USP3: variants seen among roughly 807,000 people sequenced by gnomAD.
USP3 encodes ubiquitin specific peptidase 3.
In USP3, 20 loss-of-function variants were observed where a neutral mutation model predicts 72.3. The ratio of observed to expected loss-of-function variants is 0.28; its 90% CI spans 0.19 to 0.40. The LOEUF is 0.40. USP3 is among the 10% of genes least tolerant of loss of function. The pLI is 1.00. For missense variants in USP3, 479 were observed against 633.9 expected, an observed-to-expected ratio of 0.76 and a Z score of 2.62; for synonymous variants, 222 against 225.3, an observed-to-expected ratio of 0.99 and a Z score of 0.13.
chr15:63,516,198 TGTCA>T (rs1163177619), intron 1 of USP3, among the ~76,000 whole-genome samples: 1 of 152,232 alleles, frequency 6.6e-6, no homozygotes, highest in African/African-American at 2.4e-5. Context: ...CCTTTAAACC[TGTCA>T]AAGGTCTGTG....
Position 63,504,742 on chromosome 15 carries a change from GGA to G in USP3, c.5_6del (p.Glu2ValfsTer60). 1 of 1,607,842 alleles carries G rather than the reference GGA, an allele frequency of 6.2e-7. No individual in the cohort carries two copies. Among genetic ancestry groups the G allele is most frequent in the African/African-American group, 1.3e-5 (1 of 74,434 alleles). On this transcript the variant is annotated frameshift_variant, in exon 1 of 15. Coordinates refer to ENST00000380324, the MANE Select transcript of USP3 (RefSeq NM_006537.4). LOFTEE classifies it high-confidence loss of function. Reference protein sequence around the residue: MECPHLSSSVCI... With the variant: MXCPHLSSSVCI... Reference sequence around the variant, plus strand: ...TCCCAGCTGCCCTCCTCGTGGCCATGGAGTGTCCACACCTGAGCTCCAGCGTC... The same window carrying G: ...TCCCAGCTGCCCTCCTCGTGGCCATGGTGTCCACACCTGAGCTCCAGCGTC...
chr15:63,579,388 AC>A (rs562238439), intron 11 of USP3, among the ~76,000 whole-genome samples: 51 of 152,362 alleles, frequency 3.3e-4, no homozygotes, highest in Admixed American at 8.5e-4. Flanking sequence ...TCCTAGAACT[AC>A]TAATATAGAG....
intron 7 of USP3, 136 bp from the exon 8 acceptor site, chr15:63,562,759 C>T: frequency 1.8e-6 from 1 of 551,584 alleles, no homozygotes; most frequent in Non-Finnish European, 3.2e-6. Flanking sequence ...ATGTATCTTT[C>T]AGACTTTCTT....
At chr15:63,525,979 T>A (rs2065976080) in intron 1 of USP3, among the ~76,000 whole-genome samples, 1 of 152,200 alleles carries the variant, frequency 6.6e-6, no homozygotes, top group Non-Finnish European at 1.5e-5. Flanking sequence ...GGATTTTGAT[T>A]TAACTTTCCA....
intron 11 of USP3, among the ~76,000 whole-genome samples, chr15:63,585,959 T>G (rs1280084812): frequency 6.6e-6 from 1 of 152,204 alleles, no homozygotes; most frequent in African/African-American, 2.4e-5. Context: ...ACTGAATCTA[T>G]AGATGAAGTT....
At chr15:63,530,265 CCCTG>C (rs2066048506) in intron 1 of USP3, among the ~76,000 whole-genome samples, 2 of 80,896 alleles carry the variant, frequency 2.5e-5, no homozygotes, top group East Asian at 2.1e-4. Flanking sequence ...TTCCCTCCCT[CCCTG>C]CCTCCCTCCC....
chr15:63,556,893 C>A, intron 5 of USP3, 145 bp downstream of exon 5: 1 of 630,342 alleles, frequency 1.6e-6, no homozygotes, highest in Non-Finnish European at 2.7e-6. Context: ...ATGTTTGCCA[C>A]CTGTACTGTC....
At chr15:63,507,773 C>G (rs2065732560) in intron 1 of USP3, among the ~76,000 whole-genome samples, 1 of 152,124 alleles carries the variant, frequency 6.6e-6, no homozygotes, top group South Asian at 2.1e-4. Flanking sequence ...CCTTTACACT[C>G]TTAAAAATTG....
intron 7 of USP3, among the ~76,000 whole-genome samples, chr15:63,560,671 A>C (rs2066594403): frequency 6.6e-6 from 1 of 151,998 alleles, no homozygotes; most frequent in African/African-American, 2.4e-5. Context: ...GAATAAAGTC[A>C]ATTTTTGGTT....
intron 3 of USP3, among the ~76,000 whole-genome samples, chr15:63,552,951 A>G (rs1595741463): frequency 1.3e-5 from 2 of 152,224 alleles, no homozygotes; most frequent in Non-Finnish European, 2.9e-5. Flanking sequence ...GTTTTTGTTA[A>G]AATTGGCCTT....
In USP3 at chr15:63,570,409, T is replaced by G; in HGVS notation, c.762-24T>G. 6.2e-7 allele frequency: 1 copy of G among 1,613,632 alleles called. No individual in the cohort carries two copies. Among genetic ancestry groups the G allele is most frequent in the South Asian group, 1.1e-5 (1 of 91,038 alleles). ...ACAAAGAGCCCTCCACCCGGCCTTATAAGTGACTGTTTGTTTGCTTTAGGG... is the reference window on the plus strand; with the variant it reads ...ACAAAGAGCCCTCCACCCGGCCTTAGAAGTGACTGTTTGTTTGCTTTAGGG... On this transcript the variant is annotated intron_variant, in intron 8 of 14. Transcript: ENST00000380324. This position sits in a 1 kb window ranked among gnomAD's most constrained non-coding sequence, Gnocchi z 4.4.
intron 1 of USP3, chr15:63,530,582 G>T: frequency 2.4e-6 from 1 of 425,096 alleles, no homozygotes. Context: ...CAAAGTGTTG[G>T]GACTACAGGC....
At chr15:63,515,466 C>T (rs1311562911) in intron 1 of USP3, 1 of 152,230 alleles carries the variant, frequency 6.6e-6, no homozygotes, top group East Asian at 1.9e-4. Flanking sequence ...TGTGGGAAGT[C>T]AGCAGGACCA....
chr15:63,508,980 A>G (rs983317155), intron 1 of USP3, among the ~76,000 whole-genome samples: 4 of 152,168 alleles, frequency 2.6e-5, no homozygotes, highest in Non-Finnish European at 4.4e-5. Context: ...ATTCCACCCA[A>G]AATACTGGAG....
intron 1 of USP3, among the ~76,000 whole-genome samples, chr15:63,531,997 T>A (rs573964408): frequency 2.6e-5 from 4 of 152,204 alleles, no homozygotes; most frequent in Non-Finnish European, 4.4e-5. Flanking sequence ...ATAGGACTTA[T>A]TAAAAAATGA....
intron 4 of USP3, among the ~76,000 whole-genome samples, chr15:63,554,942 T>C (rs924353311): frequency 9.2e-5 from 14 of 152,222 alleles, no homozygotes; most frequent in African/African-American, 3.4e-4. Flanking sequence ...TTTAATTTTC[T>C]CTGAAACTGT....
rs773374690 is a variant in USP3, at chr15:63,588,529, C to T, written c.1215+106C>T. 1.5e-5 allele frequency: 16 copies of T among 1,034,462 alleles called. No individual in the cohort carries two copies. The highest frequency in any genetic ancestry group is 2.4e-5 in the East Asian group (1 of 42,190). 64.1% of individuals were successfully genotyped at this position (1,034,462 alleles called of 1,614,324 possible). A position where few individuals can be genotyped will look rare whatever the true frequency, so the allele number is the denominator to read the frequency against. ...TATGTGAACTGTTCTGTATTTTTCT[C>T]TAGGATTTTCAGTAAAAGCTAAACC... On this transcript the variant is annotated intron_variant, in intron 12 of 14. Coordinates refer to ENST00000380324, the MANE Select transcript of USP3 (RefSeq NM_006537.4). This position sits in a 1 kb window ranked among gnomAD's most constrained non-coding sequence, Gnocchi z 4.6.
chr15:63,552,714 T>C (rs2066453849), intron 3 of USP3, among the ~76,000 whole-genome samples: 1 of 152,174 alleles, frequency 6.6e-6, no homozygotes, highest in Admixed American at 6.5e-5. Flanking sequence ...AAAATTACTT[T>C]TCCCCACCCC....
At chr15:63,554,796 A>C (rs2066485255) in intron 4 of USP3, among the ~76,000 whole-genome samples, 1 of 152,238 alleles carries the variant, frequency 6.6e-6, no homozygotes, top group Non-Finnish European at 1.5e-5. Context: ...GATTTCTTTA[A>C]ATCTAAACCA....
Sources: allele counts gnomAD v4.1 joint callset (sites outside exome capture counted in the v4.1 genomes callset), GRCh38; gene constraint gnomAD v4.1.1; non-coding constraint Gnocchi (gnomAD v3.1); transcripts MANE v1.5; gene names NCBI Gene and HGNC (gene_info 2026-07-23, HGNC 2026-07-21).